The following PLEKHA8 variants were observed in gnomAD, a reference collection of about 807,000 sequenced individuals.
The protein encoded by PLEKHA8 is pleckstrin homology domain containing A8, also known as pleckstrin homology domain-containing family A member 8.
Under a neutral mutation model 68.2 loss-of-function variants are expected in PLEKHA8, and 36 were observed. The observed-to-expected ratio is 0.53, with a 90% CI of 0.40 to 0.70. The LOEUF is 0.70. Among genes scored for constraint, PLEKHA8 ranks in the 30% least tolerant of loss-of-function variants. The probability of loss-of-function intolerance (pLI) is 0.00; values close to 1 mark genes in which losing one functional copy is unlikely to be tolerated. For synonymous variants in PLEKHA8, 211 were observed against 216.1 expected (o/e 0.98, Z 0.20); for missense variants, 505 against 615.4 (o/e 0.82, Z 1.90).
chr7:30,127,098 G>T (rs576950131), intron 13 of PLEKHA8, among the ~76,000 whole-genome samples: 3 of 152,292 alleles, frequency 2.0e-5, no homozygotes, highest in African/African-American at 7.2e-5. Flanking sequence ...TTCTTACTAG[G>T]ATATAATTGG....
chr7:30,117,163 G>C lies in PLEKHA8; in HGVS notation c.1363-12103G>C, dbSNP rs531628578. Among the ~76,000 whole-genome samples the C allele has an allele frequency of 2.9e-3, 442 of 152,270 alleles. 2 individuals are homozygous for C. The highest frequency in any genetic ancestry group is 0.01 in the African/African-American group (432 of 41,562). ...GGTCAAGGATAGAAAGCATTTTTGG[G>C]AGACTGGGGTTCTCAGCTCACAGTA... is the stretch of plus-strand genomic sequence containing the variant. On this transcript the variant is annotated intron_variant, in intron 13 of 13. Coordinates refer to the PLEKHA8 transcript ENST00000396257.
chr7:30,103,830 T>C (rs1035865845), intron 13 of PLEKHA8, among the ~76,000 whole-genome samples: 1 of 152,178 alleles, frequency 6.6e-6, no homozygotes, highest in Non-Finnish European at 1.5e-5. Flanking sequence ...CAAGGAAACA[T>C]AGAGCATTAT....
chr7:30,108,199 A>C (rs1254982814), intron 13 of PLEKHA8, among the ~76,000 whole-genome samples: 1 of 152,100 alleles, frequency 6.6e-6, no homozygotes, highest in Non-Finnish European at 1.5e-5. Flanking sequence ...TCCTAGGTTG[A>C]ATCCAATTTG....
At chr7:30,092,587 A>T (rs909312503), downstream of PLEKHA8, among the ~76,000 whole-genome samples, 6 of 151,896 alleles carry the variant, frequency 4.0e-5, no homozygotes, top group Admixed American at 3.9e-4. Flanking sequence ...TCTCCATAGG[A>T]CCCCATTCTC....
intron 1 of PLEKHA8, among the ~76,000 whole-genome samples, chr7:30,044,810 C>T (rs1188776889): frequency 6.6e-6 from 1 of 152,196 alleles, no homozygotes; most frequent in Non-Finnish European, 1.5e-5. Flanking sequence ...AATCCTATTA[C>T]CTAGAGAGTC....
Position 30,041,700 on chromosome 7 carries a change from G to A in PLEKHA8, c.41-3385G>A, listed in dbSNP as rs542760747. Among the ~76,000 whole-genome samples the A allele has an allele frequency of 1.8e-4, 28 of 152,264 alleles. 1 individual carries two copies. In the South Asian group the frequency reaches 5.4e-3, roughly 29 times the overall value. On this transcript the variant is annotated intron_variant, in intron 1 of 13. Transcript: ENST00000449726. ...GTGAACCACGGAGCCCAGCCTTCAA[G>A]CTGCTTTCAAAATTTACTGCAGCTG... is the stretch of plus-strand genomic sequence containing the variant.
At chr7:30,095,263 C>G (rs893032112), downstream of PLEKHA8, among the ~76,000 whole-genome samples, 3 of 152,186 alleles carry the variant, frequency 2.0e-5, no homozygotes, top group African/African-American at 7.2e-5. Context: ...ATTTGCATTT[C>G]TCTGATGGCC....
Position 30,081,891 on chromosome 7 carries a change from T to C in PLEKHA8, c.*3104T>C. 2.0e-6 allele frequency: 2 copies of C among 983,310 alleles called. No homozygotes were observed. Among genetic ancestry groups the C allele is most frequent in the Non-Finnish European group, 2.4e-6 (2 of 827,972 alleles). The allele number at this position is 983,310 out of a possible 1,614,324, so 60.9% of individuals were successfully genotyped here. Reference sequence around the variant, plus strand: ...TGTATTTGTTGAATTAAACAAAATATTTTCAATGATGGCAAGTCTCTTGAC... The same window carrying C: ...TGTATTTGTTGAATTAAACAAAATACTTTCAATGATGGCAAGTCTCTTGAC... On this transcript the variant is annotated 3_prime_UTR_variant, in exon 14 of 14. Coordinates refer to ENST00000449726, the MANE Select transcript of PLEKHA8 (RefSeq NM_001197026.2).
At chr7:30,084,811 T>G, downstream of PLEKHA8, 2 of 291,578 alleles carry the variant, frequency 6.9e-6, no homozygotes, top group Non-Finnish European at 1.0e-5. Context: ...CAGGTACTGT[T>G]GTTATCCTCA....
intron 9 of PLEKHA8, among the ~76,000 whole-genome samples, chr7:30,056,312 C>CTCTATATATATATATATA (rs796845171): frequency 1.1e-5 from 1 of 94,544 alleles, no homozygotes; most frequent in African/African-American, 3.9e-5. Flanking sequence ...CTCTCTCTCT[C>CTCTATATATATATATATA]TATATATATA....
downstream of PLEKHA8, among the ~76,000 whole-genome samples, chr7:30,090,926 C>A (rs1258209267): frequency 6.6e-6 from 1 of 152,128 alleles, no homozygotes; most frequent in African/African-American, 2.4e-5. Context: ...TTTGGGAGGC[C>A]AAGGCAGGAG....
intron 13 of PLEKHA8, chr7:30,115,696 GTATACATGTATA>G (rs1562557566): frequency 3.3e-4 from 47 of 144,432 alleles, no homozygotes; most frequent in Non-Finnish European, 6.4e-4. Flanking sequence ...ATGCATACAC[GTATACATGTATA>G]CATACGCGCA....
chr7:30,083,500 A>C lies in PLEKHA8; in HGVS notation c.*4713A>C. ...GTCAATAGTCCTGTGTACAGTGACT[A>C]TTTGCATGATTTCTCATTGCACTGC... On this transcript the variant is annotated 3_prime_UTR_variant, in exon 14 of 14. Coordinates refer to ENST00000449726, the MANE Select transcript of PLEKHA8 (RefSeq NM_001197026.2). The C allele has an allele frequency of 1.0e-6, 1 of 985,204 alleles. No homozygotes were observed. The highest frequency in any genetic ancestry group is 1.7e-5 in the African/African-American group (1 of 57,314). The allele number at this position is 985,204 out of a possible 1,614,324, so 61.0% of individuals were successfully genotyped here.
intron 7 of PLEKHA8, 123 bp from the exon 8 acceptor site, chr7:30,054,586 A>T: frequency 1.6e-6 from 1 of 608,322 alleles, no homozygotes; most frequent in Non-Finnish European, 2.4e-6. Flanking sequence ...TGTATATGTG[A>T]ATAGTGTTTC....
intron 1 of PLEKHA8, 24 bp downstream of exon 1, chr7:30,028,826 GGC>G: frequency 8.0e-7 from 1 of 1,256,376 alleles, no homozygotes; most frequent in Non-Finnish European, 1.0e-6. Flanking sequence ...CCGGGCCGGG[GGC>G]GCGCCGGGGG....
chr7:30,055,288 G>A lies in PLEKHA8; in HGVS notation c.985G>A (p.Gly329Ser), dbSNP rs1307048562. The A allele has an allele frequency of 1.9e-6, 3 of 1,614,134 alleles. No homozygotes were observed. The highest frequency in any genetic ancestry group is 2.5e-6 in the Non-Finnish European group (3 of 1,180,002). Residue 329 changes from glycine (G) to serine (S), a missense_variant, in exon 9 of 14, where the codon GGC (glycine) becomes AGC (serine). Gly to Ser is a moderately conservative substitution (Grantham distance 56). Transcript: ENST00000449726. ...FSDIELLEDSGIPTEAFLASC... is the reference protein window; with the variant it reads ...FSDIELLEDSSIPTEAFLASC... The stretch of plus-strand genomic sequence containing the variant: ...TGACATTGAACTTCTGGAAGACAGT[G>A]GCATTCCCACAGAAGCATTCTTGGC...
intron 7 of PLEKHA8, among the ~76,000 whole-genome samples, chr7:30,053,528 A>G (rs997250356): frequency 1.3e-5 from 2 of 152,182 alleles, no homozygotes; most frequent in Non-Finnish European, 2.9e-5. Flanking sequence ...GAGTTGAGGG[A>G]AGGAGCTGTG....
chr7:30,115,382 A>G (rs866136612), intron 13 of PLEKHA8, among the ~76,000 whole-genome samples: 1 of 152,138 alleles, frequency 6.6e-6, no homozygotes, highest in Admixed American at 6.5e-5. Flanking sequence ...CTACCTAAAA[A>G]TGGCCATGTT....
intron 13 of PLEKHA8, among the ~76,000 whole-genome samples, chr7:30,115,679 C>G (rs1796433623): frequency 6.7e-6 from 1 of 150,020 alleles, no homozygotes; most frequent in Non-Finnish European, 1.5e-5. Context: ...TATACATACG[C>G]ACATACATGC....
Sources: allele counts gnomAD v4.1 joint callset (sites outside exome capture counted in the v4.1 genomes callset), GRCh38; gene constraint gnomAD v4.1.1; transcripts MANE v1.5; gene names NCBI Gene and HGNC (gene_info 2026-07-23, HGNC 2026-07-21).